Variants in GNAI1 observed in about 807,000 individuals in gnomAD.
GNAI1 encodes G protein subunit alpha i1.
GNAI1 carries 11 observed loss-of-function variants against 38.9 expected under a neutral mutation model. The observed-to-expected ratio is 0.28, with a 90% CI of 0.18 to 0.47. The LOEUF is 0.47. Ranked by LOEUF, GNAI1 falls within the 20% of genes least tolerant of loss-of-function variation. The pLI is 0.99. For synonymous variants in GNAI1, 166 were observed against 145.1 expected (o/e 1.14, Z -1.04); for missense variants, 317 against 436.9 (o/e 0.73, Z 2.45).
chr7:80,193,760 A>G (rs904932896), intron 3 of GNAI1, among the ~76,000 whole-genome samples: 1 of 152,150 alleles, frequency 6.6e-6, no homozygotes, highest in Non-Finnish European at 1.5e-5. Context: ...TCACTCTGAG[A>G]GTTTTTAAAA....
At position 80,153,451 on chromosome 7, in the gene GNAI1, A is replaced by G. The variant is rs375881235; in HGVS notation, c.118+18173A>G. 1.7e-4 allele frequency among the ~76,000 whole-genome samples: 26 copies of G among 152,322 alleles called. No homozygotes were observed. The East Asian group carries it at 1.7e-3, about 10-fold the overall frequency. ...AAATAAAACTATTTCCAATTCCACAAGTTAACTTGGAATAATGTCAGAGGT... is the reference window on the plus strand; with the variant it reads ...AAATAAAACTATTTCCAATTCCACAGGTTAACTTGGAATAATGTCAGAGGT... On this transcript the variant is annotated intron_variant, in intron 1 of 7. Transcript: ENST00000649796.
chr7:80,190,318 C>CT (rs1308398683), intron 3 of GNAI1, among the ~76,000 whole-genome samples: 2 of 151,744 alleles, frequency 1.3e-5, no homozygotes, highest in East Asian at 1.9e-4. Context: ...GTTTTTTAAA[C>CT]TTTTTTAAAA....
intron 3 of GNAI1, among the ~76,000 whole-genome samples, chr7:80,189,535 T>C (rs1788444094): frequency 6.6e-6 from 1 of 152,204 alleles, no homozygotes; most frequent in East Asian, 1.9e-4. Context: ...TAATAATTTT[T>C]AGTACTGAGT....
intron 5 of GNAI1, among the ~76,000 whole-genome samples, chr7:80,206,339 T>TA (rs1457412850): frequency 9.9e-4 from 151 of 152,146 alleles, no homozygotes; most frequent in Middle Eastern, 6.8e-3. Flanking sequence ...TGCTTTTTTT[T>TA]ATTTTCATTT....
At chr7:80,216,268 A>G (rs938385998) in intron 7 of GNAI1, among the ~76,000 whole-genome samples, 1 of 150,966 alleles carries the variant, frequency 6.6e-6, no homozygotes, top group Non-Finnish European at 1.5e-5. Flanking sequence ...AAACAGCTTC[A>G]GGACCCCAGA....
chr7:80,212,204 A>C (rs752866611), intron 6 of GNAI1, among the ~76,000 whole-genome samples: 1 of 152,222 alleles, frequency 6.6e-6, no homozygotes. Context: ...AAAATGTATC[A>C]GTGCCCTCTT....
chr7:80,162,767 A>C (rs912711108), intron 1 of GNAI1, among the ~76,000 whole-genome samples: 1 of 152,118 alleles, frequency 6.6e-6, no homozygotes, highest in African/African-American at 2.4e-5. Flanking sequence ...TCAGCCACAC[A>C]CTGGGATTTG....
chr7:80,162,216 G>C (rs937320961), intron 1 of GNAI1, among the ~76,000 whole-genome samples: 6 of 152,070 alleles, frequency 3.9e-5, no homozygotes, highest in Non-Finnish European at 8.8e-5. Context: ...GACCATGTTG[G>C]CAATTTGATC....
chr7:80,215,028 T>C (rs1235153838), intron 7 of GNAI1, among the ~76,000 whole-genome samples: 2 of 152,130 alleles, frequency 1.3e-5, no homozygotes, highest in East Asian at 1.9e-4. Flanking sequence ...ACAGAACTCT[T>C]TTTCTTGTTT....
At chr7:80,178,042 G>A (rs1208668778) in intron 1 of GNAI1, among the ~76,000 whole-genome samples, 1 of 152,184 alleles carries the variant, frequency 6.6e-6, no homozygotes, top group Non-Finnish European at 1.5e-5. Flanking sequence ...GAATGCCTGG[G>A]TTGATTCTAA....
At chr7:80,137,473 A>G (rs187966355) in intron 1 of GNAI1, among the ~76,000 whole-genome samples, 84 of 151,352 alleles carry the variant, frequency 5.5e-4, no homozygotes, top group Non-Finnish European at 1.2e-3. Flanking sequence ...GGTGCGTGCC[A>G]CCATGCTCGG....
chr7:80,158,647 G>A (rs1440738835), intron 1 of GNAI1, among the ~76,000 whole-genome samples: 1 of 152,188 alleles, frequency 6.6e-6, no homozygotes, highest in Non-Finnish European at 1.5e-5. Context: ...CAGCCATGCT[G>A]AACTGTGAAT....
chr7:80,190,283 A>T (rs1419822029), intron 3 of GNAI1, among the ~76,000 whole-genome samples: 1 of 152,044 alleles, frequency 6.6e-6, no homozygotes, highest in Non-Finnish European at 1.5e-5. Context: ...TTCTCTTACA[A>T]GTTACTGAGC....
chr7:80,145,625 A>G (rs566564062), intron 1 of GNAI1, among the ~76,000 whole-genome samples: 70 of 152,132 alleles, frequency 4.6e-4, no homozygotes, highest in African/African-American at 1.7e-3. Flanking sequence ...CTGTTATTCT[A>G]CTTCTTTATT....
intron 3 of GNAI1, among the ~76,000 whole-genome samples, chr7:80,192,936 C>G (rs985412975): frequency 6.6e-6 from 1 of 151,900 alleles, no homozygotes; most frequent in Non-Finnish European, 1.5e-5. Flanking sequence ...TGACCTCAGG[C>G]GATCCACCTG....
At chr7:80,204,502 T>G (rs1437464899) in intron 5 of GNAI1, among the ~76,000 whole-genome samples, 1 of 152,184 alleles carries the variant, frequency 6.6e-6, no homozygotes, top group African/African-American at 2.4e-5. Flanking sequence ...TTTACAAAAC[T>G]ACTTTCCTCT....
At chr7:80,207,102 T>G (rs146963038) in intron 5 of GNAI1, among the ~76,000 whole-genome samples, 10 of 152,210 alleles carry the variant, frequency 6.6e-5, no homozygotes, top group African/African-American at 2.4e-4. Context: ...TAAACTTGGT[T>G]AAGTTTCTTA....
At chr7:80,202,745 G>A (rs1279515548) in intron 4 of GNAI1, among the ~76,000 whole-genome samples, 1 of 152,108 alleles carries the variant, frequency 6.6e-6, no homozygotes, top group Admixed American at 6.5e-5. Flanking sequence ...TAAAAACACT[G>A]CGGTGATGGT....
chr7:80,135,301 C>A, intron 1 of GNAI1, 23 bp downstream of exon 1: 1 of 1,351,480 alleles, frequency 7.4e-7, no homozygotes, highest in Non-Finnish European at 9.7e-7. Flanking sequence ...GGGTCGGGGC[C>A]CGGGGGTCGG....
Sources: gnomAD v4.1 joint callset for allele counts (sites outside exome capture counted in the v4.1 genomes callset) on GRCh38, gnomAD v4.1.1 for gene constraint, MANE v1.5 for transcripts, NCBI Gene and HGNC (gene_info 2026-07-23, HGNC 2026-07-21) for gene names.